Variants in ITPRID1 observed in about 807,000 individuals in gnomAD.
ITPRID1 encodes the protein protein ITPRID1.
In ITPRID1, 96 loss-of-function variants were observed where a neutral mutation model predicts 95.4. That is an observed-to-expected ratio of 1.01 (90% CI 0.85 to 1.19). The LOEUF (loss-of-function observed/expected upper bound fraction) is 1.19, where lower values mean the gene tolerates loss of function less well. Ranked by LOEUF, ITPRID1 falls within the 50% of genes most tolerant of loss-of-function variation. ITPRID1 has a pLI of 0.00. For missense variants in ITPRID1, 1,339 were observed against 1,252.9 expected (o/e 1.07, Z -1.04); for synonymous variants, 510 against 453.6 (o/e 1.12, Z -1.58).
intron 1 of ITPRID1, among the ~76,000 whole-genome samples, chr7:31,523,221 C>A (rs1783322870): frequency 6.6e-6 from 1 of 152,164 alleles, no homozygotes; most frequent in Admixed American, 6.5e-5. Context: ...CAGACAAAAG[C>A]ATTCTAGTCT....
At chr7:31,615,254 C>G (rs898322060) in intron 10 of ITPRID1, among the ~76,000 whole-genome samples, 1 of 152,022 alleles carries the variant, frequency 6.6e-6, no homozygotes, top group East Asian at 1.9e-4. Context: ...GACATGCATG[C>G]TTTAATGGAA....
chr7:31,623,733 C>A (rs1012606540), intron 10 of ITPRID1, among the ~76,000 whole-genome samples: 1 of 143,952 alleles, frequency 6.9e-6, no homozygotes, highest in African/African-American at 2.5e-5. Flanking sequence ...ACCTCTATCA[C>A]CACGCCTATT....
At position 31,578,229 on chromosome 7, in the gene ITPRID1, A is replaced by G. The variant is rs780431959; in HGVS notation, c.965A>G (p.Asp322Gly). The G allele has an allele frequency of 1.9e-6, 3 of 1,613,750 alleles. No individual in the cohort carries two copies. The highest frequency in any genetic ancestry group is 3.3e-4 in the Middle Eastern group (2 of 6,056). Residue 322 changes from aspartate (D) to glycine (G), a missense_variant, in exon 9 of 15, where the codon GAT (aspartate) becomes GGT (glycine). Transcript: ENST00000615280. The part of the protein sequence containing the change: ...SVEHQSLQAC[D>G]DLLPYPPHGL... ...GAACATCAGTCTCTCCAAGCCTGTG[A>G]TGATTTGCTACCTTATCCTCCTCAT...
intron 3 of ITPRID1, 105 bp from the exon 4 acceptor site, chr7:31,554,370 C>A: frequency 6.8e-7 from 1 of 1,470,144 alleles, no homozygotes; most frequent in Middle Eastern, 1.8e-4. Flanking sequence ...AAACATGTGA[C>A]TAAATATGTG....
intron 10 of ITPRID1, among the ~76,000 whole-genome samples, chr7:31,629,142 TA>T (rs1788764306): frequency 6.6e-6 from 1 of 152,220 alleles, no homozygotes; most frequent in African/African-American, 2.4e-5. Context: ...GCACTGGATC[TA>T]AATTAAAATT....
intron 6 of ITPRID1, among the ~76,000 whole-genome samples, chr7:31,570,637 T>C (rs887311356): frequency 5.9e-5 from 9 of 152,196 alleles, no homozygotes; most frequent in Non-Finnish European, 1.2e-4. Flanking sequence ...CATAGAGCTA[T>C]AAAAGACCAC....
chr7:31,588,961 G>A (rs1375427814), intron 10 of ITPRID1, among the ~76,000 whole-genome samples: 1 of 151,758 alleles, frequency 6.6e-6, no homozygotes, highest in African/African-American at 2.4e-5. Flanking sequence ...GACACATGAA[G>A]AAATAAGAAA....
chr7:31,518,764 A>C (rs1009386940), intron 1 of ITPRID1, among the ~76,000 whole-genome samples: 1 of 152,222 alleles, frequency 6.6e-6, no homozygotes, highest in Non-Finnish European at 1.5e-5. Flanking sequence ...TATTTTAGCC[A>C]ATCTCATATG....
intron 12 of ITPRID1, among the ~76,000 whole-genome samples, chr7:31,647,347 G>A (rs1189306144): frequency 2.0e-5 from 3 of 152,112 alleles, no homozygotes; most frequent in South Asian, 4.1e-4. Flanking sequence ...AAGATTATAA[G>A]CAGAGATGGA....
intron 10 of ITPRID1, among the ~76,000 whole-genome samples, chr7:31,596,461 A>G (rs1248270859): frequency 8.6e-5 from 13 of 151,564 alleles, no homozygotes; most frequent in Non-Finnish European, 7.4e-5. Flanking sequence ...TTTTAAGTAA[A>G]CTAATGGTGA....
intron 10 of ITPRID1, among the ~76,000 whole-genome samples, chr7:31,595,708 A>T (rs1439307843): frequency 6.6e-6 from 1 of 152,170 alleles, no homozygotes; most frequent in Non-Finnish European, 1.5e-5. Context: ...AGAGGTCATC[A>T]TTAATAAAAT....
chr7:31,604,570 G>T (rs1786533746), intron 10 of ITPRID1, among the ~76,000 whole-genome samples: 1 of 152,122 alleles, frequency 6.6e-6, no homozygotes, highest in South Asian at 2.1e-4. Flanking sequence ...ACCAAACGGG[G>T]AACAAACCAA....
chr7:31,559,032 T>C (rs1254981499), intron 5 of ITPRID1, among the ~76,000 whole-genome samples: 1 of 152,110 alleles, frequency 6.6e-6, no homozygotes, highest in Non-Finnish European at 1.5e-5. Context: ...TAACTAAAAT[T>C]TGCCTCAATT....
chr7:31,600,845 A>T (rs992645057), intron 10 of ITPRID1, among the ~76,000 whole-genome samples: 1 of 151,966 alleles, frequency 6.6e-6, no homozygotes, highest in Non-Finnish European at 1.5e-5. Flanking sequence ...TTCAACTACT[A>T]GTTTGATGTT....
At chr7:31,632,974 A>C in intron 10 of ITPRID1, among the ~76,000 whole-genome samples, 1 of 150,874 alleles carries the variant, frequency 6.6e-6, no homozygotes, top group Non-Finnish European at 1.5e-5. Context: ...GCAACCTCCG[A>C]CTCCCTGGTT....
At chr7:31,620,950 T>C (rs868413984) in intron 10 of ITPRID1, among the ~76,000 whole-genome samples, 8 of 151,770 alleles carry the variant, frequency 5.3e-5, no homozygotes, top group African/African-American at 7.3e-5. Flanking sequence ...TCAAGAACTA[T>C]GTGAAGAATG....
intron 5 of ITPRID1, among the ~76,000 whole-genome samples, chr7:31,560,937 C>T (rs1334895471): frequency 6.6e-6 from 1 of 151,450 alleles, no homozygotes; most frequent in Non-Finnish European, 1.5e-5. Flanking sequence ...AAAGAAGAGG[C>T]CAGGAAGATG....
intron 10 of ITPRID1, among the ~76,000 whole-genome samples, chr7:31,630,235 T>C (rs1394902964): frequency 2.5e-5 from 2 of 80,744 alleles, no homozygotes; most frequent in East Asian, 3.1e-4. Flanking sequence ...GAAAATAGAG[T>C]CTACTTGGCA....
At chr7:31,644,367 A>G (rs1294310476) in intron 12 of ITPRID1, among the ~76,000 whole-genome samples, 1 of 152,236 alleles carries the variant, frequency 6.6e-6, no homozygotes, top group Non-Finnish European at 1.5e-5. Context: ...TAGGGAGACT[A>G]TTCATGCACT....
Sources: allele counts gnomAD v4.1 joint callset (sites outside exome capture counted in the v4.1 genomes callset), GRCh38; gene constraint gnomAD v4.1.1; transcripts MANE v1.5; gene names NCBI Gene and HGNC (gene_info 2026-07-23, HGNC 2026-07-21).